PROM1: variants seen among roughly 807,000 people sequenced by gnomAD.
PROM1 encodes prominin 1, also known as prominin-1.
PROM1 carries 105 observed loss-of-function variants against 116.9 expected under a neutral mutation model. The observed-to-expected ratio is 0.90, with a 90% CI of 0.77 to 1.06. PROM1 has a LOEUF of 1.06. PROM1 is among the 50% of genes least tolerant of loss of function. The pLI is 0.00. For synonymous variants in PROM1, 393 were observed against 387.0 expected, an observed-to-expected ratio of 1.02 and a Z score of -0.18; for missense variants, 1,122 against 1,045.2, an observed-to-expected ratio of 1.07 and a Z score of -1.01.
intron 15 of PROM1, among the ~76,000 whole-genome samples, chr4:15,997,275 G>T (rs973769608): frequency 9.1e-6 from 1 of 109,728 alleles, no homozygotes. Context: ...ATATATATTC[G>T]TTCATTCATA....
intron 26 of PROM1, among the ~76,000 whole-genome samples, chr4:15,974,683 C>A (rs1421850719): frequency 6.6e-6 from 1 of 152,110 alleles, no homozygotes; most frequent in African/African-American, 2.4e-5. Context: ...GTTGCCCAGG[C>A]TGGTTTTGAA....
chr4:16,037,001 G>A (rs888910805), intron 3 of PROM1, among the ~76,000 whole-genome samples: 1 of 152,118 alleles, frequency 6.6e-6, no homozygotes, highest in African/African-American at 2.4e-5. Context: ...AGGAGCCAGG[G>A]GTATAAACCA....
chr4:16,070,648 A>G (rs1742594859), intron 2 of PROM1, among the ~76,000 whole-genome samples: 2 of 152,258 alleles, frequency 1.3e-5, no homozygotes, highest in Admixed American at 6.5e-5. Context: ...GCAGAAAAGA[A>G]CAAAGAAACC....
rs2240687 is a variant in PROM1 at position 15,969,155 on chromosome 4, A to G, written c.*238T>C. On this transcript the variant is annotated 3_prime_UTR_variant, in exon 28 of 28. Coordinates refer to ENST00000447510, the MANE Select transcript of PROM1 (RefSeq NM_006017.3). ...AAGTAAAAAACAAAAATAGACAGGA[A>G]GGGAGGGAGTCATCCTTGAATAGTG... 1.3e-5 allele frequency: 2 copies of G among 152,230 alleles called. No homozygotes were observed. The highest frequency in any genetic ancestry group is 2.9e-5 in the Non-Finnish European group (2 of 68,036). The allele number at this position is 152,230 out of a possible 1,614,324, so 9.4% of individuals were successfully genotyped here. A position where few individuals can be genotyped will look rare whatever the true frequency, so the allele number is the denominator to read the frequency against.
Position 15,971,063 on chromosome 4 carries a change from G to A in PROM1, c.*4C>T. On this transcript the variant is annotated 3_prime_UTR_variant, in exon 27 of 28. Transcript: ENST00000447510. ...CTTACCTCAAGCAGTTTCAACATCA[G>A]CTATCAATGTTGTGATGGGCTAAAA... 1 of 1,582,006 alleles carries A rather than the reference G, an allele frequency of 6.3e-7. No individual in the cohort carries two copies. Among genetic ancestry groups the A allele is most frequent in the South Asian group, 1.2e-5 (1 of 86,648 alleles).
chr4:16,031,046 A>G lies in PROM1; in HGVS notation c.509+2258T>C, dbSNP rs190449932. 2.4e-3 allele frequency among the ~76,000 whole-genome samples: 361 copies of G among 152,294 alleles called. 5 individuals are homozygous for G. The highest frequency in any genetic ancestry group is 1.4e-3 in the Non-Finnish European group (98 of 68,024). On this transcript the variant is annotated intron_variant, in intron 5 of 27. Transcript: ENST00000447510. ...GGGTGACACAGCGAGATTCTGTCTC[A>G]AAAAAACAAAGAAACCCAATATATT...
At chr4:15,980,606 ATTTTTT>A (rs200645062) in intron 23 of PROM1, 69 bp from the exon 24 acceptor site, 239,113 of 728,920 alleles carry the variant, frequency 0.33, 18,514 homozygotes, top group Non-Finnish European at 0.35. Flanking sequence ...TGTTTGGGGG[ATTTTTT>A]TTTTTTTTTT....
intron 5 of PROM1, among the ~76,000 whole-genome samples, chr4:16,027,495 T>C (rs537433685): frequency 1.2e-4 from 19 of 152,252 alleles, no homozygotes; most frequent in African/African-American, 4.3e-4. Context: ...AGATTCCAGA[T>C]ACAAGAAGTC....
rs1560358260 is a variant in PROM1, at chr4:15,968,858, C to T, written c.*535G>A. ...GAAAATGGATTATTTTCAACAGCACCAAGAAGTCAATGGTGACTTATTTAG... is the reference window on the plus strand; with the variant it reads ...GAAAATGGATTATTTTCAACAGCACTAAGAAGTCAATGGTGACTTATTTAG... On this transcript the variant is annotated 3_prime_UTR_variant, in exon 28 of 28. Coordinates refer to ENST00000447510, the MANE Select transcript of PROM1 (RefSeq NM_006017.3). The T allele has an allele frequency of 6.6e-6, 1 of 152,164 alleles. No individual in the cohort carries two copies. The highest frequency in any genetic ancestry group is 1.5e-5 in the Non-Finnish European group (1 of 68,028). The allele number at this position is 152,164 out of a possible 1,614,324, so 9.4% of individuals were successfully genotyped here.
At chr4:15,986,074 C>A in intron 20 of PROM1, 37 bp from the exon 21 acceptor site, 1 of 1,430,912 alleles carries the variant, frequency 7.0e-7, no homozygotes, top group Non-Finnish European at 9.6e-7. Flanking sequence ...GGTATCAAGT[C>A]ATAGAAAGTT....
chr4:16,006,063 AG>A (rs938900417), intron 13 of PROM1, among the ~76,000 whole-genome samples: 3 of 152,190 alleles, frequency 2.0e-5, no homozygotes, highest in African/African-American at 7.2e-5. Flanking sequence ...CTAAATCCTA[AG>A]GGTTCTGCCT....
chr4:16,073,459 T>C (rs2149573658), intron 2 of PROM1, among the ~76,000 whole-genome samples: 1 of 152,308 alleles, frequency 6.6e-6, no homozygotes, highest in South Asian at 2.1e-4. Flanking sequence ...TCCTCTACAT[T>C]GCAAAGCACC....
chr4:16,056,120 T>C (rs1423838486), intron 2 of PROM1, among the ~76,000 whole-genome samples: 1 of 151,974 alleles, frequency 6.6e-6, no homozygotes, highest in Non-Finnish European at 1.5e-5. Context: ...CTGTCAGGAG[T>C]ACGAGCATCC....
intron 2 of PROM1, among the ~76,000 whole-genome samples, chr4:16,048,565 G>A (rs1330117110): frequency 6.6e-6 from 1 of 152,250 alleles, no homozygotes; most frequent in Admixed American, 6.5e-5. Context: ...CCTGGAGAGG[G>A]AGGTCTCCCT....
intron 8 of PROM1, among the ~76,000 whole-genome samples, chr4:16,021,520 C>T (rs1269481465): frequency 6.6e-6 from 1 of 152,172 alleles, no homozygotes; most frequent in Non-Finnish European, 1.5e-5. Context: ...GAGTTACAAC[C>T]CAGTTAATAT....
At chr4:16,067,725 T>G (rs1741852691) in intron 2 of PROM1, among the ~76,000 whole-genome samples, 1 of 152,200 alleles carries the variant, frequency 6.6e-6, no homozygotes, top group South Asian at 2.1e-4. Flanking sequence ...AGCCTGATCC[T>G]ACGTGGACAT....
chr4:15,975,781 C>A (rs1243106974), intron 26 of PROM1, among the ~76,000 whole-genome samples: 1 of 152,176 alleles, frequency 6.6e-6, no homozygotes, highest in African/African-American at 2.4e-5. Context: ...GGCTGAACAT[C>A]CAGGAGACTT....
At chr4:16,042,522 C>T (rs1219140822) in intron 2 of PROM1, among the ~76,000 whole-genome samples, 1 of 152,132 alleles carries the variant, frequency 6.6e-6, no homozygotes, top group African/African-American at 2.4e-5. Context: ...ACTCTAGAAG[C>T]CCTGACTTCA....
At chr4:16,010,136 C>T (rs1006062512) in intron 11 of PROM1, among the ~76,000 whole-genome samples, 1 of 152,084 alleles carries the variant, frequency 6.6e-6, no homozygotes, top group Non-Finnish European at 1.5e-5. Flanking sequence ...GTCTCAGTGG[C>T]CAGTTTCTTT....
Sources: allele counts gnomAD v4.1 joint callset (sites outside exome capture counted in the v4.1 genomes callset), GRCh38; gene constraint gnomAD v4.1.1; transcripts MANE v1.5; gene names NCBI Gene and HGNC (gene_info 2026-07-23, HGNC 2026-07-21).